Variants in GNPAT observed in about 807,000 individuals in gnomAD.
The protein encoded by GNPAT is glyceronephosphate O-acyltransferase, also known as dihydroxyacetone phosphate acyltransferase.
Under a neutral mutation model 78.4 loss-of-function variants are expected in GNPAT, and 30 were observed. The observed-to-expected ratio is 0.38, with a 90% confidence interval of 0.29 to 0.52. GNPAT has a LOEUF of 0.52. Among genes scored for constraint, GNPAT ranks in the 20% least tolerant of loss-of-function variants. The pLI, the probability that GNPAT is intolerant of heterozygous loss-of-function variation, is 0.84. For synonymous variants in GNPAT, 271 were observed against 281.1 expected (o/e 0.96, Z 0.36); for missense variants, 714 against 812.2 (o/e 0.88, Z 1.47).
In GNPAT at chr1:231,267,876, G is replaced by A; in HGVS notation, c.1252G>A (p.Ala418Thr). 1 of 1,611,504 alleles carries A rather than the reference G, an allele frequency of 6.2e-7. No homozygotes were observed. The highest frequency in any genetic ancestry group is 8.5e-7 in the Non-Finnish European group (1 of 1,177,552). The change falls in exon 9 of 16, where the codon GCA (alanine) becomes ACA (threonine). Residue 418 changes from alanine (A) to threonine (T), a missense_variant. Coordinates refer to ENST00000366647, the MANE Select transcript of GNPAT (RefSeq NM_014236.4). ...KTLWLKGLTQ[A>T]FGGFLIWPDN... ...TTTATGGCTAAAAGGCTTAACCCAGGCATTTGGAGGGTTTCTCATTTGGCC... is the reference window on the plus strand; with the variant it reads ...TTTATGGCTAAAAGGCTTAACCCAGACATTTGGAGGGTTTCTCATTTGGCC...
At chr1:231,276,805 G>C (rs548541603) in intron 15 of GNPAT, among the ~76,000 whole-genome samples, 1 of 152,144 alleles carries the variant, frequency 6.6e-6, no homozygotes. Flanking sequence ...GCAATGATGC[G>C]GCCATTTTAG....
At chr1:231,245,198 C>T (rs1684715209) in intron 1 of GNPAT, among the ~76,000 whole-genome samples, 1 of 152,166 alleles carries the variant, frequency 6.6e-6, no homozygotes, top group African/African-American at 2.4e-5. Flanking sequence ...TCATTTTCCT[C>T]ATTAGTTGCC....
At chr1:231,269,192 A>G (rs2102821551) in intron 9 of GNPAT, among the ~76,000 whole-genome samples, 1 of 152,258 alleles carries the variant, frequency 6.6e-6, no homozygotes, top group South Asian at 2.1e-4. Flanking sequence ...GGTTCCTGAG[A>G]GTGCTGCAGA....
intron 3 of GNPAT, among the ~76,000 whole-genome samples, chr1:231,261,807 C>T (rs778027412): frequency 4.6e-5 from 7 of 152,008 alleles, no homozygotes; most frequent in African/African-American, 7.2e-5. Flanking sequence ...TTTTTTTCTT[C>T]TAGGAAAGCT....
intron 2 of GNPAT, among the ~76,000 whole-genome samples, chr1:231,256,218 A>T (rs1305844200): frequency 6.6e-6 from 1 of 152,128 alleles, no homozygotes; most frequent in East Asian, 1.9e-4. Context: ...ATCTGTTTTT[A>T]TATGTCTACT....
intron 11 of GNPAT, 81 bp downstream of exon 11, chr1:231,272,472 C>A: frequency 1.2e-6 from 1 of 801,396 alleles, no homozygotes; most frequent in Non-Finnish European, 2.2e-6. Flanking sequence ...AGATGTGTCT[C>A]AGGCAGTGTG....
rs1379299053 is a variant in GNPAT, at chr1:231,265,686, G to A, written c.697-26G>A. The A allele has an allele frequency of 2.9e-6, 4 of 1,400,400 alleles. No homozygotes were observed. The Admixed American group carries it at 5.0e-5, about 18-fold the overall frequency. The allele number at this position is 1,400,400 out of a possible 1,614,324, so 86.7% of individuals were successfully genotyped here. On this transcript the variant is annotated intron_variant, in intron 5 of 15. Transcript: ENST00000366647. ...ATTTTGAGAGTAGGCAATGGGTTTT[G>A]TGTTTTGTTTGTTTTCTCTTTAAAG...
At chr1:231,245,105 T>G (rs1363462339) in intron 1 of GNPAT, among the ~76,000 whole-genome samples, 1 of 152,234 alleles carries the variant, frequency 6.6e-6, no homozygotes, top group South Asian at 2.1e-4. Context: ...CTTTGTATTA[T>G]TGAGGTCCCA....
intron 4 of GNPAT, among the ~76,000 whole-genome samples, chr1:231,263,591 T>TA (rs1685285026): frequency 6.6e-6 from 1 of 152,176 alleles, no homozygotes; most frequent in Non-Finnish European, 1.5e-5. Flanking sequence ...TTCCATTTTT[T>TA]TATATATATA....
intron 10 of GNPAT, 50 bp downstream of exon 10, chr1:231,271,050 C>G: frequency 6.2e-7 from 1 of 1,602,978 alleles, no homozygotes; most frequent in Non-Finnish European, 8.5e-7. Flanking sequence ...CTGGCCATTC[C>G]ATTCCATTTA....
intron 9 of GNPAT, among the ~76,000 whole-genome samples, 163 bp from the exon 10 acceptor site, chr1:231,270,595 A>C (rs1366411863): frequency 6.6e-6 from 1 of 152,108 alleles, no homozygotes; most frequent in Non-Finnish European, 1.5e-5. Context: ...GTACTTTTAA[A>C]TTTTTCTTCA....
In GNPAT at chr1:231,277,540, T is replaced by C. The variant is rs768246446; in HGVS notation, c.2041T>C (p.Ter681GlnextTer1). 6.4e-7 allele frequency: 1 copy of C among 1,565,330 alleles called. No individual in the cohort carries two copies. The highest frequency in any genetic ancestry group is 1.7e-5 in the Admixed American group (1 of 59,948). The change falls in exon 16 of 16, where the codon TAA (stop) becomes CAA (glutamine). Residue 681 changes from the stop codon to glutamine, a stop_lost. Transcript: ENST00000366647. ...PIGKPATAKL[*>Q] The stretch of plus-strand genomic sequence containing the variant: ...AGGAAAACCAGCCACTGCAAAACTT[T>C]AATAATCAACAAATAGTTATGGAAA...
intron 2 of GNPAT, among the ~76,000 whole-genome samples, chr1:231,258,534 T>C (rs1685128595): frequency 6.6e-6 from 1 of 151,292 alleles, no homozygotes; most frequent in Admixed American, 6.6e-5. Context: ...ATTTGGTCTA[T>C]AAACAGGTCC....
chr1:231,241,513 C>T, intron 1 of GNPAT, 57 bp downstream of exon 1: 5 of 1,217,648 alleles, frequency 4.1e-6, no homozygotes, highest in East Asian at 2.3e-5. Flanking sequence ...GTACCCCTTT[C>T]TCCCAGTCCC....
At chr1:231,257,841 C>G (rs1264565153) in intron 2 of GNPAT, among the ~76,000 whole-genome samples, 1 of 152,200 alleles carries the variant, frequency 6.6e-6, no homozygotes, top group Non-Finnish European at 1.5e-5. Flanking sequence ...GTATAGCTAA[C>G]TAATTCTTAG....
intron 1 of GNPAT, among the ~76,000 whole-genome samples, chr1:231,247,876 G>T (rs566789457): frequency 6.6e-6 from 1 of 152,164 alleles, no homozygotes; most frequent in Non-Finnish European, 1.5e-5. Flanking sequence ...GTCATGAAGA[G>T]CCTGGGGTCA....
At chr1:231,273,500 C>G (rs1487780948) in intron 11 of GNPAT, among the ~76,000 whole-genome samples, 1 of 152,144 alleles carries the variant, frequency 6.6e-6, no homozygotes, top group Non-Finnish European at 1.5e-5. Context: ...ATCCGCCCGC[C>G]TCAGCCTCTC....
rs2102818747 is a variant in GNPAT at position 231,266,273 on chromosome 1, T to C, written c.925-4T>C. The C allele has an allele frequency of 6.2e-7, 1 of 1,614,008 alleles. No homozygotes were observed. The highest frequency in any genetic ancestry group is 1.1e-5 in the South Asian group (1 of 91,078). On this transcript the variant is annotated splice_region_variant and splice_polypyrimidine_tract_variant and intron_variant, in intron 7 of 15. Coordinates refer to ENST00000366647, the MANE Select transcript of GNPAT (RefSeq NM_014236.4). ...TTCTTCCCCCCCTGTTATGGTACTA[T>C]TAGGGGTTGCTGAAAGCCAGAAAGA...
chr1:231,274,106 A>G, intron 12 of GNPAT, 44 bp downstream of exon 12: 1 of 1,535,904 alleles, frequency 6.5e-7, no homozygotes, highest in Non-Finnish European at 9.0e-7. Flanking sequence ...CCCATATCAA[A>G]TATAATAAGA....
Sources: allele counts gnomAD v4.1 joint callset (sites outside exome capture counted in the v4.1 genomes callset), GRCh38; gene constraint gnomAD v4.1.1; transcripts MANE v1.5; gene names NCBI Gene and HGNC (gene_info 2026-07-23, HGNC 2026-07-21).